CSMD1: variants seen among roughly 807,000 people sequenced by gnomAD.
The protein encoded by CSMD1 is CUB and sushi domain-containing protein 1.
In CSMD1, 213 loss-of-function variants were observed where a neutral mutation model predicts 417.5. The observed-to-expected ratio is 0.51, with a 90% CI of 0.46 to 0.57. CSMD1 has a LOEUF of 0.57. Among genes scored for constraint, CSMD1 ranks in the 20% least tolerant of loss-of-function variants. The pLI is 0.00. For missense variants in CSMD1, 6,923 were observed against 4,529.7 expected, an observed-to-expected ratio of 1.53 and a Z score of -15.17; for synonymous variants, 2,862 against 1,736.8, an observed-to-expected ratio of 1.65 and a Z score of -16.11.
intron 2 of CSMD1, among the ~76,000 whole-genome samples, chr8:4,444,956 C>T (rs1337683130): frequency 6.6e-6 from 1 of 152,192 alleles, no homozygotes; most frequent in Non-Finnish European, 1.5e-5. Context: ...ACTGGGAAAT[C>T]TCCACTGTGT....
intron 1 of CSMD1, among the ~76,000 whole-genome samples, chr8:4,896,605 CATTCT>C (rs1804498819): frequency 6.6e-6 from 1 of 152,040 alleles, no homozygotes; most frequent in African/African-American, 2.4e-5. Context: ...ATAAATTATC[CATTCT>C]GAGTCCCAGT....
At chr8:4,515,198 G>A (rs1202395715) in intron 2 of CSMD1, among the ~76,000 whole-genome samples, 5 of 152,176 alleles carry the variant, frequency 3.3e-5, no homozygotes, top group Non-Finnish European at 7.3e-5. Flanking sequence ...TCATTAAGTA[G>A]TTAAAAAATA....
At chr8:3,822,867 T>C (rs1350733239) in intron 5 of CSMD1, among the ~76,000 whole-genome samples, 1 of 152,148 alleles carries the variant, frequency 6.6e-6, no homozygotes. Context: ...GTATTTAGAA[T>C]TTAGTGTGTC....
At chr8:3,477,612 A>T (rs1230274569) in intron 11 of CSMD1, among the ~76,000 whole-genome samples, 1 of 152,208 alleles carries the variant, frequency 6.6e-6, no homozygotes, top group Non-Finnish European at 1.5e-5. Flanking sequence ...GTGTTGATAA[A>T]TATCTCTGGT....
chr8:4,473,627 G>C (rs1319043978), intron 2 of CSMD1, among the ~76,000 whole-genome samples: 1 of 152,090 alleles, frequency 6.6e-6, no homozygotes, highest in East Asian at 1.9e-4. Flanking sequence ...ACCTAAACTT[G>C]GGGAGTTTAG....
At chr8:4,398,388 C>CT (rs767579097) in intron 3 of CSMD1, among the ~76,000 whole-genome samples, 24,338 of 113,742 alleles carry the variant, frequency 0.21, 3,962 homozygotes, top group East Asian at 0.29. Flanking sequence ...GCTGCAACTT[C>CT]TTTTTTTTTT....
chr8:3,088,575 C>T (rs191544430), intron 48 of CSMD1, among the ~76,000 whole-genome samples: 23 of 152,158 alleles, frequency 1.5e-4, no homozygotes, highest in South Asian at 4.1e-4. Flanking sequence ...CATGTTCCTA[C>T]GAGAAGTGTC....
intron 6 of CSMD1, among the ~76,000 whole-genome samples, chr8:3,750,614 T>C (rs1312605159): frequency 1.3e-5 from 2 of 152,150 alleles, no homozygotes; most frequent in Non-Finnish European, 2.9e-5. Context: ...TGCTTTTTAA[T>C]CTCGGTATAG....
intron 5 of CSMD1, among the ~76,000 whole-genome samples, chr8:3,791,921 C>T: frequency 6.6e-6 from 1 of 152,040 alleles, no homozygotes; most frequent in East Asian, 1.9e-4. Flanking sequence ...TGGCAAAAAC[C>T]TCAATAGCGT....
intron 3 of CSMD1, among the ~76,000 whole-genome samples, chr8:4,101,522 C>A (rs77716436): frequency 6.0e-4 from 92 of 152,250 alleles, no homozygotes; most frequent in African/African-American, 2.2e-3. Context: ...AATATGCCGA[C>A]CAGGAAACAT....
rs957672686 is a variant in CSMD1, at chr8:4,706,554, A to G, written c.86-68996T>C. 2.0e-5 allele frequency among the ~76,000 whole-genome samples: 3 copies of G among 152,214 alleles called. No individual in the cohort carries two copies. The East Asian group carries it at 5.8e-4, about 29-fold the overall frequency. On this transcript the variant is annotated intron_variant, in intron 1 of 69. Transcript: ENST00000635120. ...CATAAACAAATATATTTAACTCGGC[A>G]TCATTTAAGTCAACTTATGCCATGT...
chr8:4,234,195 A>G (rs1801910808), intron 3 of CSMD1, among the ~76,000 whole-genome samples: 1 of 152,222 alleles, frequency 6.6e-6, no homozygotes, highest in East Asian at 1.9e-4. Context: ...AGACCAAGAA[A>G]GATGAACAGA....
intron 3 of CSMD1, among the ~76,000 whole-genome samples, chr8:4,103,323 A>G (rs543834663): frequency 6.6e-6 from 1 of 151,598 alleles, no homozygotes; most frequent in South Asian, 2.1e-4. Flanking sequence ...GTGATCATCA[A>G]TATTCTCCAG....
chr8:4,821,965 G>GGGGGTTTGC, intron 1 of CSMD1, among the ~76,000 whole-genome samples: 1 of 151,922 alleles, frequency 6.6e-6, no homozygotes, highest in African/African-American at 2.4e-5. Flanking sequence ...GCTTCTCAGA[G>GGGGGTTTGC]AATACTACGT....
intron 5 of CSMD1, among the ~76,000 whole-genome samples, chr8:3,893,364 A>ATATATTAT (rs1807124067): frequency 2.7e-5 from 1 of 37,678 alleles, no homozygotes; most frequent in Non-Finnish European, 6.5e-5. Flanking sequence ...TATATATATT[A>ATATATTAT]TTTTTTTTCT....
chr8:4,279,706 A>G (rs1485511541), intron 3 of CSMD1, among the ~76,000 whole-genome samples: 1 of 152,174 alleles, frequency 6.6e-6, no homozygotes, highest in Non-Finnish European at 1.5e-5. Context: ...ATTTTCTTCT[A>G]TTTGTCATTC....
At chr8:3,767,700 A>G (rs1403573457) in intron 5 of CSMD1, among the ~76,000 whole-genome samples, 1 of 152,212 alleles carries the variant, frequency 6.6e-6, no homozygotes, top group Non-Finnish European at 1.5e-5. Context: ...TATATTATAC[A>G]GTGTATGTCT....
At chr8:4,647,326 C>G (rs1038031050) in intron 1 of CSMD1, among the ~76,000 whole-genome samples, 2 of 150,616 alleles carry the variant, frequency 1.3e-5, no homozygotes, top group South Asian at 4.2e-4. Context: ...ACATGTGCCA[C>G]GGCGGCCTGC....
At chr8:3,468,661 C>G in intron 12 of CSMD1, 51 bp downstream of exon 12, 1 of 1,135,200 alleles carries the variant, frequency 8.8e-7, no homozygotes, top group Non-Finnish European at 1.3e-6. Flanking sequence ...TGCTCTCTGC[C>G]CTCTCTTGGA....
Sources: allele counts gnomAD v4.1 joint callset (sites outside exome capture counted in the v4.1 genomes callset), GRCh38; gene constraint gnomAD v4.1.1; transcripts MANE v1.5; gene names NCBI Gene and HGNC (gene_info 2026-07-23, HGNC 2026-07-21).